Variants in ASIC1 observed in about 807,000 individuals in gnomAD.
The protein encoded by ASIC1 is acid-sensing ion channel 1.
Under a neutral mutation model 63.4 loss-of-function variants are expected in ASIC1, and 21 were observed. The ratio of observed to expected loss-of-function variants is 0.33; its 90% CI spans 0.23 to 0.48. The LOEUF (loss-of-function observed/expected upper bound fraction) is 0.48, where lower values mean the gene tolerates loss of function less well. Ranked by LOEUF, ASIC1 falls within the 20% of genes least tolerant of loss-of-function variation. The pLI, the probability that ASIC1 is intolerant of heterozygous loss-of-function variation, is 0.99. For synonymous variants in ASIC1, 258 were observed against 278.2 expected (o/e 0.93, Z 0.72); for missense variants, 478 against 695.5 (o/e 0.69, Z 3.52).
At position 50,058,893 on chromosome 12, in the gene ASIC1, C is replaced by G; in HGVS notation, c.127C>G (p.Arg43Gly). 6.2e-7 allele frequency: 1 copy of G among 1,614,098 alleles called. No individual in the cohort carries two copies. The highest frequency in any genetic ancestry group is 8.5e-7 in the Non-Finnish European group (1 of 1,180,006). Reference protein sequence around the residue: ...IFSYERLSLKRALWALCFLGS... With the variant: ...IFSYERLSLKGALWALCFLGS... ...CTCCTACGAGCGGCTGTCTCTGAAG[C>G]GGGCACTGTGGGCCCTGTGCTTCCT... is the stretch of plus-strand genomic sequence containing the variant. The change falls in exon 2 of 12, where the codon CGG becomes GGG. Residue 43 changes from arginine to glycine, a missense_variant. Physicochemically the swap from Arg to Gly is moderately radical, Grantham distance 125. Around this residue, in one of 3 missense-constraint regions of ASIC1, gnomAD observed 290 missense variants for 414.9 expected, o/e 0.70. Coordinates refer to ENST00000447966, the MANE Select transcript of ASIC1 (RefSeq NM_001095.4).
intron 3 of ASIC1, among the ~76,000 whole-genome samples, chr12:50,075,146 C>T (rs758861320): frequency 2.6e-5 from 4 of 152,092 alleles, no homozygotes; most frequent in Non-Finnish European, 4.4e-5. Flanking sequence ...AGATGCCAGG[C>T]CTTCCCTGCC....
intron 3 of ASIC1, among the ~76,000 whole-genome samples, chr12:50,064,971 C>G (rs1950532793): frequency 6.6e-6 from 1 of 151,958 alleles, no homozygotes; most frequent in Non-Finnish European, 1.5e-5. Flanking sequence ...TAAAGGGGGC[C>G]CAGTGGGGTG....
Position 50,081,145 on chromosome 12 carries a change from C to G in ASIC1, c.1341C>G (p.Ile447Met), listed in dbSNP as rs767266446. ...TGGGGCTGTTCATCGGGGCCAGCAT[C>G]CTCACGGTGCTGGAGCTCTTTGACT... Reference protein sequence around the residue: ...GQMGLFIGASILTVLELFDYA... With the variant: ...GQMGLFIGASMLTVLELFDYA... Residue 447 changes from isoleucine (I) to methionine (M), a missense_variant, in exon 10 of 12, where the codon ATC becomes ATG. By Grantham distance (10) the Ile-to-Met change is conservative (BLOSUM62 1). Coordinates refer to ENST00000447966, the MANE Select transcript of ASIC1 (RefSeq NM_001095.4). The G allele has an allele frequency of 5.6e-6, 9 of 1,612,450 alleles. No homozygotes were observed. Among genetic ancestry groups the G allele is most frequent in the Non-Finnish European group, 7.6e-6 (9 of 1,179,426 alleles).
intron 4 of ASIC1, among the ~76,000 whole-genome samples, chr12:50,077,728 G>C (rs929299918): frequency 6.6e-6 from 1 of 152,212 alleles, no homozygotes; most frequent in African/African-American, 2.4e-5. Flanking sequence ...ATCTGAAACA[G>C]TGACACTCTG....
At chr12:50,071,250 G>A (rs1049483778) in intron 3 of ASIC1, among the ~76,000 whole-genome samples, 44 of 151,168 alleles carry the variant, frequency 2.9e-4, no homozygotes, top group Non-Finnish European at 4.3e-4. Context: ...TGAGGTGGAG[G>A]GTACATTGCT....
intron 8 of ASIC1, 141 bp from the exon 9 acceptor site, chr12:50,080,357 A>G: frequency 1.2e-6 from 1 of 869,194 alleles, no homozygotes; most frequent in Non-Finnish European, 1.8e-6. Context: ...TTTAATCCTA[A>G]AAGGCAGGTA....
At position 50,080,050 on chromosome 12, in the gene ASIC1, C is replaced by T. The variant is rs745831832; in HGVS notation, c.1200C>T (p.Tyr400=). The T allele has an allele frequency of 1.2e-6, 2 of 1,610,938 alleles. No homozygotes were observed. Among genetic ancestry groups the T allele is most frequent in the South Asian group, 2.2e-5 (2 of 90,550 alleles). ...AGAAGTTCAACAAATCTGAGCAATA[C>T]ATAGGGTAAGGGCTCTGGCTGGGTA... is the stretch of plus-strand genomic sequence containing the variant. The part of the protein sequence containing the change: ...LAKKFNKSEQ[Y]IGENILVLDI... Residue 400 remains tyrosine (Y), a synonymous_variant, in exon 8 of 12, where the codon TAC becomes TAT. Transcript: ENST00000447966.
chr12:50,061,582 C>T (rs1950501430), intron 3 of ASIC1, among the ~76,000 whole-genome samples: 1 of 152,172 alleles, frequency 6.6e-6, no homozygotes, highest in Non-Finnish European at 1.5e-5. Context: ...ACACCCAACA[C>T]ACAAGCAGGA....
In ASIC1 at chr12:50,078,920, G is replaced by T. The variant is rs376243221; in HGVS notation, c.995-4G>T. Reference sequence around the variant, plus strand: ...CCTGCATCATTGTCTTTTCTCCTCTGTAGGGGATGCCCCATACTGTACTCC... The same window carrying T: ...CCTGCATCATTGTCTTTTCTCCTCTTTAGGGGATGCCCCATACTGTACTCC... On this transcript the variant is annotated splice_polypyrimidine_tract_variant and splice_region_variant and intron_variant, in intron 6 of 11. Coordinates refer to ENST00000447966, the MANE Select transcript of ASIC1 (RefSeq NM_001095.4). The surrounding 1 kb of genome is among the most constrained non-coding windows in gnomAD (Gnocchi z 6.0). 5 of 1,613,744 alleles carry T rather than the reference G, an allele frequency of 3.1e-6. No individual in the cohort carries two copies. In the African/African-American group the frequency reaches 4.0e-5, roughly 13 times the overall value.
intron 3 of ASIC1, among the ~76,000 whole-genome samples, chr12:50,061,443 A>G (rs1402680761): frequency 6.6e-6 from 1 of 152,156 alleles, no homozygotes; most frequent in Admixed American, 6.5e-5. Flanking sequence ...TTACTGCTTC[A>G]TAACAGGAGA....
At chr12:50,079,792 G>C in intron 7 of ASIC1, 110 bp from the exon 8 acceptor site, 1 of 1,354,612 alleles carries the variant, frequency 7.4e-7, no homozygotes, top group Middle Eastern at 2.5e-4. Context: ...GCAGGTCACG[G>C]AAAGAGAAAG....
At chr12:50,080,088 T>C (rs773561793) in intron 8 of ASIC1, 33 bp downstream of exon 8, 86 of 1,583,446 alleles carry the variant, frequency 5.4e-5, no homozygotes, top group Middle Eastern at 5.1e-4. Flanking sequence ...GCAAGGCCCT[T>C]GGGTTGGGAC....
At chr12:50,079,079 C>A in intron 7 of ASIC1, 99 bp downstream of exon 7, 1 of 1,215,992 alleles carries the variant, frequency 8.2e-7, no homozygotes, top group Non-Finnish European at 1.2e-6. Context: ...CCTCACATAA[C>A]TCCTGGACTG....
At chr12:50,080,150 G>C in intron 8 of ASIC1, 95 bp downstream of exon 8, 1 of 1,474,780 alleles carries the variant, frequency 6.8e-7, no homozygotes, top group Non-Finnish European at 9.1e-7. Context: ...CAGGCAGGGG[G>C]AACTTGAGAT....
rs980375933 is a variant in ASIC1, at chr12:50,081,837, A to T, written c.*188A>T. The T allele has an allele frequency of 1.7e-6, 1 of 596,214 alleles. No individual in the cohort carries two copies. The highest frequency in any genetic ancestry group is 1.9e-5 in the African/African-American group (1 of 53,450). 36.9% of individuals were successfully genotyped at this position (596,214 alleles called of 1,614,324 possible). A position where few individuals can be genotyped will look rare whatever the true frequency, so the allele number is the denominator to read the frequency against. On this transcript the variant is annotated 3_prime_UTR_variant, in exon 12 of 12. Coordinates refer to ENST00000447966, the MANE Select transcript of ASIC1 (RefSeq NM_001095.4). ...TCTGCCTCTATCCCATTCTTTTTAC[A>T]TTTAACAAAACTAATCTAAAAAAGA...
At chr12:50,077,654 G>A (rs932476722) in intron 4 of ASIC1, among the ~76,000 whole-genome samples, 1 of 152,090 alleles carries the variant, frequency 6.6e-6, no homozygotes, top group Non-Finnish European at 1.5e-5. Context: ...GTCTGGTCTC[G>A]GGGGGCCTTG....
intron 3 of ASIC1, among the ~76,000 whole-genome samples, chr12:50,070,504 G>A (rs1383269414): frequency 6.6e-6 from 1 of 152,004 alleles, no homozygotes; most frequent in Admixed American, 6.6e-5. Context: ...GGTTGCTGTG[G>A]GGGAAGAGGT....
intron 8 of ASIC1, 92 bp downstream of exon 8, chr12:50,080,147 G>A (rs1276822591): frequency 3.4e-5 from 51 of 1,495,810 alleles, no homozygotes; most frequent in Non-Finnish European, 4.5e-5. Context: ...TGGCAGGCAG[G>A]GGGAACTTGA....
In ASIC1 at chr12:50,059,272, G is replaced by C. The variant is rs1228558384; in HGVS notation, c.362+144G>C. On this transcript the variant is annotated intron_variant, in intron 2 of 11. Transcript: ENST00000447966. The surrounding 1 kb of genome is among the most constrained non-coding windows in gnomAD (Gnocchi z 4.6). ...ACCCCCAAACCTGCCACTCACAGCA[G>C]AGGAGTTAGGGTGCTGCTGAGCACC... 1 of 1,254,162 alleles carries C rather than the reference G, an allele frequency of 8.0e-7. No homozygotes were observed. The highest frequency in any genetic ancestry group is 1.1e-6 in the Non-Finnish European group (1 of 921,718). 77.7% of individuals were successfully genotyped at this position (1,254,162 alleles called of 1,614,324 possible). A position where few individuals can be genotyped will look rare whatever the true frequency, so the allele number is the denominator to read the frequency against.
Sources: gnomAD v4.1 joint callset for allele counts (sites outside exome capture counted in the v4.1 genomes callset) on GRCh38, gnomAD v4.1.1 for gene constraint, gnomAD v4.1.1 regional missense constraint, Gnocchi (gnomAD v3.1) non-coding constraint, MANE v1.5 for transcripts, NCBI Gene and HGNC (gene_info 2026-07-23, HGNC 2026-07-21) for gene names.